Variants in PCDHA11 observed in about 807,000 individuals in gnomAD.
The protein encoded by PCDHA11 is protocadherin alpha-11.
In PCDHA11, 61 loss-of-function variants were observed where a neutral mutation model predicts 70.3. That is an observed-to-expected ratio of 0.87 (90% CI 0.71 to 1.07). The LOEUF (loss-of-function observed/expected upper bound fraction) is 1.07. PCDHA11 is among the 50% of genes least tolerant of loss of function. The probability of loss-of-function intolerance (pLI) is 0.00; values close to 1 mark genes in which losing one functional copy is unlikely to be tolerated. For synonymous variants in PCDHA11, 633 were observed against 555.1 expected (o/e 1.14, Z -1.97); for missense variants, 1,324 against 1,237.5 (o/e 1.07, Z -1.05).
intron 1 of PCDHA11, among the ~76,000 whole-genome samples, chr5:140,946,711 T>C (rs1165441185): frequency 1.3e-5 from 2 of 150,618 alleles, no homozygotes; most frequent in African/African-American, 2.5e-5. Context: ...GAGGTCATTA[T>C]GTTTAGTTAA....
At chr5:140,965,039 C>G (rs1237802301) in intron 1 of PCDHA11, among the ~76,000 whole-genome samples, 6 of 152,236 alleles carry the variant, frequency 3.9e-5, no homozygotes, top group African/African-American at 1.2e-4. Context: ...ACTGTCCGCT[C>G]TAGGAGGGAA....
intron 1 of PCDHA11, chr5:140,930,569 A>G (rs1448447791): frequency 6.6e-6 from 1 of 152,542 alleles, no homozygotes; most frequent in Non-Finnish European, 1.5e-5. Flanking sequence ...AAGCAATTCT[A>G]CGGTATTACT....
At chr5:140,943,974 T>G (rs1356208474) in intron 1 of PCDHA11, among the ~76,000 whole-genome samples, 2 of 152,022 alleles carry the variant, frequency 1.3e-5, no homozygotes, top group African/African-American at 4.8e-5. Flanking sequence ...TTAAAGTAAT[T>G]AAGAAAACAG....
intron 1 of PCDHA11, among the ~76,000 whole-genome samples, chr5:140,894,634 T>C (rs1412183022): frequency 1.3e-5 from 2 of 151,970 alleles, no homozygotes; most frequent in Non-Finnish European, 2.9e-5. Flanking sequence ...TCCAATCATA[T>C]CATTACTGAG....
At chr5:140,953,092 G>A (rs141861684) in intron 1 of PCDHA11, among the ~76,000 whole-genome samples, 2 of 152,252 alleles carry the variant, frequency 1.3e-5, no homozygotes, top group South Asian at 2.1e-4. Context: ...ATTACAATTT[G>A]ACATGAGATT....
intron 1 of PCDHA11, among the ~76,000 whole-genome samples, chr5:140,912,343 ATTTTT>A (rs35252606): frequency 7.0e-6 from 1 of 143,858 alleles, no homozygotes; most frequent in Non-Finnish European, 1.5e-5. Context: ...TACACTAAGT[ATTTTT>A]TTTTTTTTTT....
intron 3 of PCDHA11, among the ~76,000 whole-genome samples, chr5:140,984,886 C>A (rs1254649508): frequency 1.3e-5 from 2 of 151,720 alleles, no homozygotes; most frequent in Non-Finnish European, 2.9e-5. Context: ...ACCATGAGAA[C>A]TAAAGGAGAA....
chr5:140,925,076 A>G (rs1388489555), intron 1 of PCDHA11, among the ~76,000 whole-genome samples: 2 of 148,798 alleles, frequency 1.3e-5, no homozygotes, highest in Non-Finnish European at 3.0e-5. Context: ...CAACACGCTC[A>G]TCTGGAAAGG....
intron 3 of PCDHA11, among the ~76,000 whole-genome samples, chr5:140,999,874 T>G (rs897953919): frequency 6.6e-6 from 1 of 152,122 alleles, no homozygotes; most frequent in Admixed American, 6.5e-5. Flanking sequence ...TTACTGAAAA[T>G]TAGCCCAGCT....
At chr5:140,927,652 C>T (rs868980158) in intron 1 of PCDHA11, 28 of 1,614,054 alleles carry the variant, frequency 1.7e-5, no homozygotes, top group African/African-American at 9.3e-5. Flanking sequence ...TGTGTTATTC[C>T]GAGTTCAAGC....
At chr5:140,968,288 C>G in intron 1 of PCDHA11, 2 of 1,613,976 alleles carry the variant, frequency 1.2e-6, no homozygotes, top group South Asian at 2.2e-5. Flanking sequence ...GACCTACTCC[C>G]TTCTGGAGAG....
intron 1 of PCDHA11, chr5:140,882,150 C>T: frequency 1.3e-6 from 2 of 1,501,768 alleles, no homozygotes; most frequent in Non-Finnish European, 1.8e-6. Context: ...TAGCAGAAAG[C>T]GGAATACCTC....
intron 1 of PCDHA11, among the ~76,000 whole-genome samples, chr5:140,921,987 G>T (rs1414139435): frequency 6.6e-6 from 1 of 151,868 alleles, no homozygotes; most frequent in Non-Finnish European, 1.5e-5. Context: ...AACTAAAAAA[G>T]AGTTCAATGA....
intron 3 of PCDHA11, among the ~76,000 whole-genome samples, chr5:140,993,099 C>T (rs1253807421): frequency 6.6e-6 from 1 of 152,206 alleles, no homozygotes; most frequent in Non-Finnish European, 1.5e-5. Context: ...TATGTTTATT[C>T]AGCGGTCAGT....
chr5:140,915,606 C>A (rs2077190807), intron 1 of PCDHA11, among the ~76,000 whole-genome samples: 1 of 150,452 alleles, frequency 6.6e-6, no homozygotes, highest in African/African-American at 2.5e-5. Context: ...CCCTTACTTT[C>A]TGTCAAACAG....
At chr5:140,966,455 C>G (rs376758355) in intron 1 of PCDHA11, 20 of 426,928 alleles carry the variant, frequency 4.7e-5, no homozygotes, top group East Asian at 2.8e-4. Flanking sequence ...CCCCCTCCCC[C>G]TCTGTCTTCC....
intron 1 of PCDHA11, among the ~76,000 whole-genome samples, chr5:140,885,862 T>C (rs2060742623): frequency 6.6e-6 from 1 of 152,182 alleles, no homozygotes; most frequent in African/African-American, 2.4e-5. Flanking sequence ...TACTTTTCTA[T>C]TGAAAAAAAA....
At chr5:140,924,104 C>A (rs538996937) in intron 1 of PCDHA11, among the ~76,000 whole-genome samples, 20 of 152,306 alleles carry the variant, frequency 1.3e-4, no homozygotes, top group Middle Eastern at 6.8e-3. Context: ...AATTTTCATT[C>A]CAAAGCAGTT....
At chr5:140,876,614 C>G in intron 1 of PCDHA11, 1 of 1,614,130 alleles carries the variant, frequency 6.2e-7, no homozygotes, top group Non-Finnish European at 8.5e-7. Flanking sequence ...GACTCTGGAG[C>G]CAATGGACAG....
Sources: gnomAD v4.1 joint callset for allele counts (sites outside exome capture counted in the v4.1 genomes callset) on GRCh38, gnomAD v4.1.1 for gene constraint, MANE v1.5 for transcripts, NCBI Gene and HGNC (gene_info 2026-07-23, HGNC 2026-07-21) for gene names.